ZNF549: variants seen among roughly 807,000 people sequenced by gnomAD.
ZNF549 encodes zinc finger protein 549.
Under a neutral mutation model 11.1 loss-of-function variants are expected in ZNF549, and 11 were observed. That is an observed-to-expected ratio of 0.99 (90% CI 0.62 to 1.64). The LOEUF (loss-of-function observed/expected upper bound fraction) is 1.64, where lower values mean the gene tolerates loss of function less well. Ranked by LOEUF, ZNF549 falls within the 40% of genes most tolerant of loss-of-function variation. The pLI is 0.00. For missense variants in ZNF549, 748 were observed against 765.1 expected, an observed-to-expected ratio of 0.98 and a Z score of 0.26; for synonymous variants, 266 against 269.1, an observed-to-expected ratio of 0.99 and a Z score of 0.11.
In ZNF549 at chr19:57,540,741, CAG is replaced by C. The variant is rs746151551; in HGVS notation, c.*1817_*1818del. ...CGCCATTGCACTCCAGCCTGGGCGA[CAG>C]AGTGACACTTCTCAAAAAACAAAAA... On this transcript the variant is annotated 3_prime_UTR_variant, in exon 4 of 4. Transcript: ENST00000376233. 4.6e-5 allele frequency: 7 copies of C among 152,248 alleles called. No homozygotes were observed. Among genetic ancestry groups the C allele is most frequent in the Admixed American group, 2.6e-4 (4 of 15,292 alleles). The allele number at this position is 152,248 out of a possible 1,614,324, so 9.4% of individuals were successfully genotyped here. A position where few individuals can be genotyped will look rare whatever the true frequency, so the allele number is the denominator to read the frequency against.
chr19:57,537,898 C>T lies in ZNF549; in HGVS notation c.894C>T (p.His298=), dbSNP rs1279717915. Residue 298 remains histidine, a synonymous_variant, in exon 4 of 4, where the codon CAC becomes CAT. Coordinates refer to ENST00000376233, the MANE Select transcript of ZNF549 (RefSeq NM_001199295.2). ...QTLVGHQQRI[H]TRERSYVCIE... ...TCGTTGGGCACCAGCAGAGAATTCA[C>T]ACTAGAGAAAGGTCTTATGTGTGCA... 4 of 1,613,602 alleles carry T rather than the reference C, an allele frequency of 2.5e-6. No homozygotes were observed. Among genetic ancestry groups the T allele is most frequent in the Admixed American group, 1.7e-5 (1 of 59,974 alleles).
chr19:57,531,411 A>G (rs903416161), intron 2 of ZNF549, among the ~76,000 whole-genome samples: 9 of 152,252 alleles, frequency 5.9e-5, no homozygotes, highest in African/African-American at 2.2e-4. Context: ...CACTGTGGCC[A>G]AAACTTTTGC....
Position 57,537,235 on chromosome 19 carries a change from C to T in ZNF549, c.231C>T (p.Ala77=). ...GCLHGIEAEE[A]PSEQTLSAQG... is the part of the protein sequence containing the mutation. ...TGCATGGAATAGAGGCTGAGGAGGC[C>T]CCTTCTGAGCAGACTCTTTCTGCGC... The change falls in exon 4 of 4, where the codon GCC becomes GCT. Residue 77 remains alanine (A), a synonymous_variant. Coordinates refer to ENST00000376233, the MANE Select transcript of ZNF549 (RefSeq NM_001199295.2). 1 of 1,613,828 alleles carries T rather than the reference C, an allele frequency of 6.2e-7. No individual in the cohort carries two copies. The highest frequency in any genetic ancestry group is 8.5e-7 in the Non-Finnish European group (1 of 1,179,852).
chr19:57,535,182 C>T lies in ZNF549; in HGVS notation c.111C>T (p.Ser37=), dbSNP rs1289429755. ...VTFEDIAVYF[S]QEEWGLLDEA... ...TTGAGGATATTGCTGTGTACTTCTC[C>T]CAGGAGGAGTGGGGCCTCCTTGATG... Residue 37 remains serine (S), a synonymous_variant, in exon 3 of 4, where the codon TCC becomes TCT. Coordinates refer to ENST00000376233, the MANE Select transcript of ZNF549 (RefSeq NM_001199295.2). 3 of 1,613,936 alleles carry T rather than the reference C, an allele frequency of 1.9e-6. No homozygotes were observed. Among genetic ancestry groups the T allele is most frequent in the Non-Finnish European group, 2.5e-6 (3 of 1,179,972 alleles).
rs2089944441 is a variant in ZNF549, at chr19:57,539,294, CAAG to C, written c.*372_*374del. On this transcript the variant is annotated 3_prime_UTR_variant, in exon 4 of 4. Transcript: ENST00000376233. ...GGCAAAGACAAAACCCAACTTTGAC[CAAG>C]AAGAGCAATCTGGATTCTTGTAGCC... 1 of 172,244 alleles carries C rather than the reference CAAG, an allele frequency of 5.8e-6. No individual in the cohort carries two copies. The highest frequency in any genetic ancestry group is 2.4e-5 in the African/African-American group (1 of 41,876). The allele number at this position is 172,244 out of a possible 1,614,324, so 10.7% of individuals were successfully genotyped here. A position where few individuals can be genotyped will look rare whatever the true frequency, so the allele number is the denominator to read the frequency against.
Position 57,537,699 on chromosome 19 carries a change from T to G in ZNF549, c.695T>G (p.Val232Gly). 1 of 1,614,102 alleles carries G rather than the reference T, an allele frequency of 6.2e-7. No individual in the cohort carries two copies. The highest frequency in any genetic ancestry group is 1.1e-5 in the South Asian group (1 of 91,078). ...TGTGAGCAAGTTTTCAATGAGAAAG[T>G]TCATGTTACTGAGCATCAGAGAGTC... ...YKCEQVFNEK[V>G]HVTEHQRVHT... Residue 232 changes from valine to glycine, a missense_variant, in exon 4 of 4, where the codon GTT (valine) becomes GGT (glycine). Transcript: ENST00000376233.
intron 2 of ZNF549, among the ~76,000 whole-genome samples, chr19:57,534,291 A>C (rs2089915289): frequency 6.6e-6 from 1 of 152,156 alleles, no homozygotes; most frequent in African/African-American, 2.4e-5. Flanking sequence ...TAAATGGGGA[A>C]TGTTAAGAGA....
intron 2 of ZNF549, among the ~76,000 whole-genome samples, chr19:57,533,267 C>G (rs2089911304): frequency 6.6e-6 from 1 of 152,188 alleles, no homozygotes; most frequent in Non-Finnish European, 1.5e-5. Context: ...GCCTGTTCCT[C>G]TTGACTGAAA....
intron 2 of ZNF549, 67 bp downstream of exon 2, chr19:57,531,175 T>A: frequency 6.5e-7 from 1 of 1,534,776 alleles, no homozygotes; most frequent in Non-Finnish European, 8.9e-7. Flanking sequence ...GGCCCACAGA[T>A]GCAGGTAACA....
In ZNF549 at chr19:57,527,596, T is replaced by A. The variant is rs12461014; in HGVS notation, c.23T>A (p.Ile8Asn). 1,576,236 of 1,613,796 alleles carry A rather than the reference T, an allele frequency of 0.98. 769,831 individuals carry two copies. The highest frequency in any genetic ancestry group is 1 in the East Asian group (44,854 of 44,858). The change falls in exon 1 of 4, where the codon ATT (isoleucine) becomes AAT (asparagine). Residue 8 changes from isoleucine (I) to asparagine (N), a missense_variant. By Grantham distance (149) the Ile-to-Asn change is moderately radical. Transcript: ENST00000376233. The part of the protein sequence containing the change: MAEAALV[I>N]TPQIPMVTEE... ...CCCATGGCCGAGGCAGCGCTAGTGA[T>A]TACGCCGCAGGTGAGAGCGGAGTCC...
chr19:57,534,093 C>T (rs536522684), intron 2 of ZNF549, among the ~76,000 whole-genome samples: 10 of 152,254 alleles, frequency 6.6e-5, no homozygotes, highest in Non-Finnish European at 5.9e-5. Flanking sequence ...TTAAGAGGAA[C>T]ACTCTTCAGG....
intron 3 of ZNF549, among the ~76,000 whole-genome samples, chr19:57,535,615 G>A (rs979633811): frequency 6.6e-6 from 1 of 152,130 alleles, no homozygotes; most frequent in Non-Finnish European, 1.5e-5. Context: ...CTTTGGACCT[G>A]CCTTTCTCAG....
chr19:57,535,796 C>A (rs913701174), intron 3 of ZNF549, among the ~76,000 whole-genome samples: 1 of 152,126 alleles, frequency 6.6e-6, no homozygotes, highest in African/African-American at 2.4e-5. Context: ...CTTAGGATTT[C>A]TTCTACCTTC....
At chr19:57,532,572 G>A (rs373360466) in intron 2 of ZNF549, among the ~76,000 whole-genome samples, 2 of 152,156 alleles carry the variant, frequency 1.3e-5, no homozygotes, top group East Asian at 3.8e-4. Context: ...TCACCGGGGT[G>A]GGTTGCTCAT....
chr19:57,538,805 G>T lies in ZNF549; in HGVS notation c.1801G>T (p.Val601Phe), dbSNP rs1166717141. The T allele has an allele frequency of 6.2e-7, 1 of 1,614,064 alleles. No individual in the cohort carries two copies. The change falls in exon 4 of 4, where the codon GTT becomes TTT. Residue 601 changes from valine to phenylalanine, a missense_variant. Transcript: ENST00000376233. ...EKAFIYKNKLVEHQRIHTGEK... is the reference protein window; with the variant it reads ...EKAFIYKNKLFEHQRIHTGEK... ...GGCCTTTATCTATAAAAACAAACTT[G>T]TTGAGCATCAGCGAATCCACACCGG...
Position 57,527,470 on chromosome 19 carries a change from G to C in ZNF549, c.-104G>C, listed in dbSNP as rs550493099. 2 of 1,506,552 alleles carry C rather than the reference G, an allele frequency of 1.3e-6. No individual in the cohort carries two copies. Among genetic ancestry groups the C allele is most frequent in the Admixed American group, 1.8e-5 (1 of 55,954 alleles). 93.3% of individuals were successfully genotyped at this position (1,506,552 alleles called of 1,614,324 possible). On this transcript the variant is annotated 5_prime_UTR_variant, in exon 1 of 4. Transcript: ENST00000376233. The stretch of plus-strand genomic sequence containing the variant: ...GTGGTGTCCGCCCGCAGAGGAGCTT[G>C]CCTGGTCTCGGTCTGAGCGTCGCCC...
chr19:57,527,649 C>G, intron 1 of ZNF549, 43 bp downstream of exon 1: 1 of 1,605,952 alleles, frequency 6.2e-7, no homozygotes, highest in Non-Finnish European at 8.5e-7. Flanking sequence ...TCCTGAGGCC[C>G]CGGACTGGGG....
Position 57,540,802 on chromosome 19 carries a change from G to A in ZNF549, c.*1875G>A, listed in dbSNP as rs1381447144. 6.6e-6 allele frequency: 1 copy of A among 151,992 alleles called. No homozygotes were observed. The highest frequency in any genetic ancestry group is 1.5e-5 in the Non-Finnish European group (1 of 67,996). 9.4% of individuals were successfully genotyped at this position (151,992 alleles called of 1,614,324 possible). On this transcript the variant is annotated 3_prime_UTR_variant, in exon 4 of 4. Coordinates refer to ENST00000376233, the MANE Select transcript of ZNF549 (RefSeq NM_001199295.2). ...AAAAGAACAGATAAGAAATACGTGT[G>A]TATATATTCTATTTTGTGTGTTTTC... is the stretch of plus-strand genomic sequence containing the variant.
intron 3 of ZNF549, among the ~76,000 whole-genome samples, chr19:57,536,812 G>A (rs2089926506): frequency 6.6e-6 from 1 of 152,188 alleles, no homozygotes; most frequent in Non-Finnish European, 1.5e-5. Flanking sequence ...CCCATGGCCT[G>A]GGTGCAATGG....
Sources: allele counts gnomAD v4.1 joint callset (sites outside exome capture counted in the v4.1 genomes callset), GRCh38; gene constraint gnomAD v4.1.1; transcripts MANE v1.5; gene names NCBI Gene and HGNC (gene_info 2026-07-23, HGNC 2026-07-21).